RTTN: variants seen among roughly 807,000 people sequenced by gnomAD.
RTTN encodes the protein rotatin.
In RTTN, 182 loss-of-function variants were observed where a neutral mutation model predicts 269.2. That is an observed-to-expected ratio of 0.68 (90% CI 0.60 to 0.76). The LOEUF is 0.76. Among genes scored for constraint, RTTN ranks in the 30% least tolerant of loss-of-function variants. RTTN has a pLI of 0.00. For missense variants in RTTN, 2,545 were observed against 2,608.6 expected, an observed-to-expected ratio of 0.98 and a Z score of 0.53; for synonymous variants, 1,006 against 963.5, an observed-to-expected ratio of 1.04 and a Z score of -0.82.
intron 23 of RTTN, chr18:70,128,804 G>T: frequency 3.0e-6 from 1 of 330,596 alleles, no homozygotes; most frequent in Admixed American, 4.1e-5. Context: ...AGTTGTTGTG[G>T]AGATAACTAA....
At chr18:70,111,992 G>A (rs2059480519) in intron 27 of RTTN, among the ~76,000 whole-genome samples, 1 of 152,196 alleles carries the variant, frequency 6.6e-6, no homozygotes, top group South Asian at 2.1e-4. Flanking sequence ...GAGAGTGGGG[G>A]CCAATATTCA....
At chr18:70,127,814 TAA>T in intron 24 of RTTN, 73 bp from the exon 25 acceptor site, 1 of 1,354,884 alleles carries the variant, frequency 7.4e-7, no homozygotes, top group Middle Eastern at 2.4e-4. Context: ...ATTTCTATTA[TAA>T]ACTCTCCCAA....
At chr18:70,068,697 G>C (rs952527119) in intron 34 of RTTN, among the ~76,000 whole-genome samples, 4 of 152,118 alleles carry the variant, frequency 2.6e-5, no homozygotes, top group African/African-American at 7.2e-5. Context: ...AGGATAACTA[G>C]GGTTGTCCTC....
intron 25 of RTTN, among the ~76,000 whole-genome samples, chr18:70,121,901 T>C (rs2059747393): frequency 6.6e-6 from 1 of 152,042 alleles, no homozygotes; most frequent in Non-Finnish European, 1.5e-5. Context: ...GGAAAAAACA[T>C]GTGGACAAGT....
At chr18:70,202,526 T>TA (rs2061978675) in intron 3 of RTTN, among the ~76,000 whole-genome samples, 1 of 152,218 alleles carries the variant, frequency 6.6e-6, no homozygotes, top group Non-Finnish European at 1.5e-5. Flanking sequence ...CTAACACTAA[T>TA]AAAGAAAAAT....
At chr18:70,008,069 C>T in intron 46 of RTTN, 1 of 156,012 alleles carries the variant, frequency 6.4e-6, no homozygotes, top group Non-Finnish European at 1.4e-5. Context: ...GAGCAGGCAG[C>T]AATCTTTGCT....
rs1255240788 is a variant in RTTN, at chr18:70,047,656, C to CTGCATT, written c.5541+309_5541+314dup. ...AATTACAATAAATTTTGAACCATAACTGCATTTCTGAAATATATCCATTTT... is the reference window on the plus strand; with the variant it reads ...AATTACAATAAATTTTGAACCATAACTGCATTTGCATTTCTGAAATATATCCATTTT... On this transcript the variant is annotated intron_variant, in intron 40 of 48. Coordinates refer to ENST00000640769, the MANE Select transcript of RTTN (RefSeq NM_173630.4). Among the ~76,000 whole-genome samples the CTGCATT allele has an allele frequency of 1.6e-4, 24 of 152,318 alleles. No homozygotes were observed. In the East Asian group the frequency reaches 4.6e-3, roughly 29 times the overall value.
At chr18:70,089,536 G>T (rs1448071873) in intron 30 of RTTN, among the ~76,000 whole-genome samples, 1 of 152,216 alleles carries the variant, frequency 6.6e-6, no homozygotes. Context: ...GGATGCTGCT[G>T]AAACAAATGC....
rs146255080 is a variant in RTTN, at chr18:70,158,550, A to G, written c.1929+7512T>C. Reference sequence around the variant, plus strand: ...GCAACTATACAATCAAGTCTACGTAACAACCAGCTAGCAACATGGCGACAG... The same window carrying G: ...GCAACTATACAATCAAGTCTACGTAGCAACCAGCTAGCAACATGGCGACAG... On this transcript the variant is annotated intron_variant, in intron 14 of 48. Transcript: ENST00000640769. 6.2e-3 allele frequency among the ~76,000 whole-genome samples: 942 copies of G among 152,278 alleles called. 15 individuals are homozygous for G. Among genetic ancestry groups the G allele is most frequent in the African/African-American group, 0.017 (708 of 41,540 alleles).
At chr18:70,167,467 C>G (rs140680968) in intron 12 of RTTN, among the ~76,000 whole-genome samples, 3 of 152,302 alleles carry the variant, frequency 2.0e-5, no homozygotes, top group Admixed American at 2.0e-4. Flanking sequence ...GACCCAGTGG[C>G]TCCCAGCACT....
chr18:70,152,244 T>C (rs2060557901), intron 14 of RTTN, among the ~76,000 whole-genome samples: 1 of 152,004 alleles, frequency 6.6e-6, no homozygotes, highest in Non-Finnish European at 1.5e-5. Context: ...ATACCTAATC[T>C]GGGCTCCACA....
At chr18:70,045,018 T>C (rs1400928316) in intron 40 of RTTN, among the ~76,000 whole-genome samples, 1 of 152,184 alleles carries the variant, frequency 6.6e-6, no homozygotes, top group Non-Finnish European at 1.5e-5. Context: ...CTCTGCTAAG[T>C]CAAATGTGTT....
rs185171862 is a variant in RTTN at position 70,096,084 on chromosome 18, G to T, written c.3904-3280C>A. 4.7e-4 allele frequency among the ~76,000 whole-genome samples: 70 copies of T among 149,558 alleles called. No individual in the cohort carries two copies. The South Asian group carries it at 0.014, about 30-fold the overall frequency. On this transcript the variant is annotated intron_variant, in intron 28 of 48. Coordinates refer to ENST00000640769, the MANE Select transcript of RTTN (RefSeq NM_173630.4). ...CTGATATCCTTTCTTCTGATTCATC[G>T]ATTCGGCTATTGATACTCATGTATG...
rs2059238673 is a variant in RTTN, at chr18:70,103,663, G to A, written c.3903+5835C>T. 4.1e-5 allele frequency among the ~76,000 whole-genome samples: 6 copies of A among 145,924 alleles called. No individual in the cohort carries two copies. In the Admixed American group the frequency reaches 4.3e-4, roughly 10 times the overall value. On this transcript the variant is annotated intron_variant, in intron 28 of 48. Coordinates refer to ENST00000640769, the MANE Select transcript of RTTN (RefSeq NM_173630.4). ...CTGCCTAGGAAAACCAGAGACCTTT[G>A]TTCAAGTGTTTATCTGCTGACCTTC...
intron 11 of RTTN, among the ~76,000 whole-genome samples, chr18:70,169,759 G>A (rs1398638528): frequency 6.6e-6 from 1 of 152,014 alleles, no homozygotes; most frequent in African/African-American, 2.4e-5. Context: ...TTAAAAAAAT[G>A]GTTCTAGTTT....
chr18:70,151,653 A>G (rs1182669019), intron 14 of RTTN, among the ~76,000 whole-genome samples: 1 of 152,166 alleles, frequency 6.6e-6, no homozygotes, highest in Non-Finnish European at 1.5e-5. Context: ...CAAGGTTTTC[A>G]AAGATCTAAA....
intron 7 of RTTN, chr18:70,194,763 A>G (rs570024938): frequency 6.6e-6 from 1 of 152,378 alleles, no homozygotes; most frequent in South Asian, 2.1e-4. Context: ...CAGAGACAGA[A>G]AGTAAATTAG....
chr18:70,012,958 C>T (rs1234413427), intron 46 of RTTN, among the ~76,000 whole-genome samples: 1 of 151,906 alleles, frequency 6.6e-6, no homozygotes, highest in Admixed American at 6.6e-5. Context: ...TTAACAAAAA[C>T]AAAACAAAAA....
intron 27 of RTTN, among the ~76,000 whole-genome samples, chr18:70,112,805 G>A (rs2059506704): frequency 6.6e-6 from 1 of 152,032 alleles, no homozygotes. Context: ...CTCAGCTCTT[G>A]ACCAAGCGGA....
Sources: gnomAD v4.1 joint callset for allele counts (sites outside exome capture counted in the v4.1 genomes callset) on GRCh38, gnomAD v4.1.1 for gene constraint, MANE v1.5 for transcripts, NCBI Gene and HGNC (gene_info 2026-07-23, HGNC 2026-07-21) for gene names.